The following GAS7 variants were observed in gnomAD, a reference collection of about 807,000 sequenced individuals.
GAS7 encodes the protein growth arrest-specific protein 7.
Under a neutral mutation model 71.1 loss-of-function variants are expected in GAS7, and 28 were observed. That is an observed-to-expected ratio of 0.39 (90% CI 0.29 to 0.54). The LOEUF (loss-of-function observed/expected upper bound fraction) is 0.54, where lower values mean the gene tolerates loss of function less well. Among genes scored for constraint, GAS7 ranks in the 20% least tolerant of loss-of-function variants. GAS7 has a pLI of 0.62. For synonymous variants in GAS7, 258 were observed against 245.8 expected (o/e 1.05, Z -0.46); for missense variants, 436 against 627.8 (o/e 0.69, Z 3.27).
intron 1 of GAS7, among the ~76,000 whole-genome samples, chr17:10,158,203 C>T (rs1305036871): frequency 2.0e-5 from 3 of 151,760 alleles, no homozygotes; most frequent in Admixed American, 6.6e-5. Context: ...TTAGTAGAGA[C>T]GGGGTTTCAC....
At chr17:10,028,337 G>A (rs973195826) in intron 1 of GAS7, among the ~76,000 whole-genome samples, 3 of 152,108 alleles carry the variant, frequency 2.0e-5, no homozygotes, top group African/African-American at 7.2e-5. Flanking sequence ...TTGTGCCACT[G>A]CACTCCAGCC....
At chr17:10,097,601 C>T (rs1040721646) in intron 1 of GAS7, among the ~76,000 whole-genome samples, 1 of 152,194 alleles carries the variant, frequency 6.6e-6, no homozygotes, top group Non-Finnish European at 1.5e-5. Flanking sequence ...GAGTTTTTCA[C>T]ATTTTTACAA....
chr17:10,189,781 AT>A (rs199983711), intron 1 of GAS7, among the ~76,000 whole-genome samples: 9,597 of 152,154 alleles, frequency 0.063, 417 homozygotes, highest in Middle Eastern at 0.095. Context: ...TCTACTAAAA[AT>A]ACAAAAATTA....
At chr17:9,945,402 C>T (rs1369491017) in intron 6 of GAS7, among the ~76,000 whole-genome samples, 2 of 151,998 alleles carry the variant, frequency 1.3e-5, no homozygotes, top group Non-Finnish European at 2.9e-5. Flanking sequence ...AAGTCTTACG[C>T]ACTCTGATGC....
At chr17:9,962,965 A>G (rs1567828428) in intron 4 of GAS7, among the ~76,000 whole-genome samples, 1 of 151,732 alleles carries the variant, frequency 6.6e-6, no homozygotes, top group Non-Finnish European at 1.5e-5. Context: ...ATAAGAGAAC[A>G]GTCAGACCAA....
intron 1 of GAS7, among the ~76,000 whole-genome samples, chr17:10,029,801 G>A (rs781268853): frequency 2.6e-5 from 4 of 151,904 alleles, no homozygotes; most frequent in Non-Finnish European, 5.9e-5. Context: ...GCAGTGAGCT[G>A]AGATCATGCC....
intron 1 of GAS7, among the ~76,000 whole-genome samples, chr17:10,075,425 G>A (rs533754602): frequency 6.6e-6 from 1 of 151,998 alleles, no homozygotes; most frequent in Non-Finnish European, 1.5e-5. Context: ...AAGCTTTTCT[G>A]TTAAAGTCAG....
intron 4 of GAS7, among the ~76,000 whole-genome samples, chr17:9,965,603 A>C (rs1289928714): frequency 6.6e-6 from 1 of 152,220 alleles, no homozygotes; most frequent in Non-Finnish European, 1.5e-5. Flanking sequence ...TAGGTGCAAC[A>C]AACCACCATG....
intron 1 of GAS7, among the ~76,000 whole-genome samples, chr17:10,179,534 A>T (rs1267663887): frequency 6.6e-6 from 1 of 152,146 alleles, no homozygotes. Context: ...TCTTGGTCAC[A>T]TTTTATCACA....
intron 1 of GAS7, among the ~76,000 whole-genome samples, chr17:10,148,096 C>T (rs1408674595): frequency 6.6e-6 from 1 of 152,144 alleles, no homozygotes; most frequent in Non-Finnish European, 1.5e-5. Flanking sequence ...CACACGTGAA[C>T]ATCAATTATT....
chr17:10,057,619 G>A (rs1297047393), intron 1 of GAS7, among the ~76,000 whole-genome samples: 5 of 150,844 alleles, frequency 3.3e-5, no homozygotes, highest in African/African-American at 4.9e-5. Context: ...GCCCCGTCTG[G>A]GAGGGAGGTG....
chr17:10,147,142 C>T (rs1274951130), intron 1 of GAS7, among the ~76,000 whole-genome samples: 1 of 152,100 alleles, frequency 6.6e-6, no homozygotes, highest in Admixed American at 6.5e-5. Flanking sequence ...ACATGGTTTG[C>T]CATTTTTTTT....
At chr17:10,090,271 G>A (rs1027541602) in intron 1 of GAS7, among the ~76,000 whole-genome samples, 4 of 152,002 alleles carry the variant, frequency 2.6e-5, no homozygotes, top group African/African-American at 4.8e-5. Context: ...TGGTTTTAAC[G>A]ATGGACATTT....
chr17:10,021,552 C>T (rs924417497), intron 1 of GAS7, among the ~76,000 whole-genome samples: 4 of 152,200 alleles, frequency 2.6e-5, no homozygotes, highest in Non-Finnish European at 4.4e-5. Context: ...ATGCCCTGGA[C>T]GCTCCATCTC....
intron 3 of GAS7, among the ~76,000 whole-genome samples, chr17:9,976,016 A>ATGCTCACCT (rs2070188188): frequency 6.6e-6 from 1 of 152,198 alleles, no homozygotes; most frequent in African/African-American, 2.4e-5. Context: ...CTTGGTCACC[A>ATGCTCACCT]TGCTCACCTT....
intron 5 of GAS7, among the ~76,000 whole-genome samples, chr17:9,955,099 T>C (rs1397415149): frequency 6.6e-6 from 1 of 152,164 alleles, no homozygotes; most frequent in Non-Finnish European, 1.5e-5. Flanking sequence ...GGGCCACCAC[T>C]TTTATCCTTG....
chr17:10,135,503 C>T (rs976036788), intron 1 of GAS7, among the ~76,000 whole-genome samples: 1 of 152,202 alleles, frequency 6.6e-6, no homozygotes, highest in East Asian at 1.9e-4. Context: ...GATTTCTCTT[C>T]GATTAAGGGG....
At chr17:10,166,943 TG>T (rs1650897567) in intron 1 of GAS7, among the ~76,000 whole-genome samples, 1 of 151,926 alleles carries the variant, frequency 6.6e-6, no homozygotes, top group South Asian at 2.1e-4. Flanking sequence ...CACGAGCTGA[TG>T]GGTGGAGACC....
intron 1 of GAS7, among the ~76,000 whole-genome samples, chr17:10,116,188 G>A (rs1040779553): frequency 1.3e-5 from 2 of 151,810 alleles, no homozygotes; most frequent in Admixed American, 6.6e-5. Context: ...GCGTGTGCCT[G>A]TGGTCCCAGC....
Sources: gnomAD v4.1 joint callset for allele counts (sites outside exome capture counted in the v4.1 genomes callset) on GRCh38, gnomAD v4.1.1 for gene constraint, MANE v1.5 for transcripts, NCBI Gene and HGNC (gene_info 2026-07-23, HGNC 2026-07-21) for gene names.